Variants in STK32B observed in about 807,000 individuals in gnomAD.
STK32B encodes the protein serine/threonine-protein kinase 32B.
In STK32B, 43 loss-of-function variants were observed where a neutral mutation model predicts 52.6. That is an observed-to-expected ratio of 0.82 (90% CI 0.64 to 1.05). The LOEUF is 1.05. Ranked by LOEUF, STK32B falls within the 50% of genes least tolerant of loss-of-function variation. STK32B has a pLI of 0.00. For missense variants in STK32B, 621 were observed against 534.6 expected (o/e 1.16, Z -1.59); for synonymous variants, 238 against 204.3 (o/e 1.17, Z -1.41).
intron 4 of STK32B, among the ~76,000 whole-genome samples, chr4:5,340,090 G>T (rs4689212): frequency 0.33 from 50,704 of 152,172 alleles, 13,043 homozygotes; most frequent in African/African-American, 0.71. Flanking sequence ...TTAGAAGATT[G>T]ACTTTTCATA....
intron 2 of STK32B, among the ~76,000 whole-genome samples, chr4:5,157,185 G>C (rs1419802755): frequency 6.6e-6 from 1 of 151,946 alleles, no homozygotes; most frequent in South Asian, 2.1e-4. Flanking sequence ...CAAGGTACTG[G>C]GTCTCTAAGA....
At chr4:5,221,991 G>A (rs1208523436) in intron 3 of STK32B, among the ~76,000 whole-genome samples, 1 of 152,118 alleles carries the variant, frequency 6.6e-6, no homozygotes, top group Non-Finnish European at 1.5e-5. Context: ...TCACACAGTG[G>A]TCAGCTAGCT....
rs1002999202 is a variant in STK32B at position 5,171,568 on chromosome 4, C to G, written c.260+3118C>G. Reference sequence around the variant, plus strand: ...AGCACCATTTATTAAGTAGGGAATCCTTTCCCCATTGCTTGTTTTTCTCAG... The same window carrying G: ...AGCACCATTTATTAAGTAGGGAATCGTTTCCCCATTGCTTGTTTTTCTCAG... On this transcript the variant is annotated intron_variant, in intron 3 of 11. Coordinates refer to ENST00000282908, the MANE Select transcript of STK32B (RefSeq NM_018401.3). Among the ~76,000 whole-genome samples the G allele has an allele frequency of 2.6e-5, 4 of 152,098 alleles. 1 individual carries two copies. Among genetic ancestry groups the G allele is most frequent in the Admixed American group, 2.6e-4 (4 of 15,252 alleles).
intron 3 of STK32B, among the ~76,000 whole-genome samples, chr4:5,224,921 T>C (rs1442452289): frequency 2.0e-5 from 3 of 152,086 alleles, no homozygotes; most frequent in Non-Finnish European, 4.4e-5. Flanking sequence ...AATTCAGGAA[T>C]TGTTAGCTAA....
At chr4:5,028,590 T>C in the STK32B span, among the ~76,000 whole-genome samples, 1 of 152,240 alleles carries the variant, frequency 6.6e-6, no homozygotes, top group African/African-American at 2.4e-5. Context: ...AAGTTTTGCT[T>C]GGGCTTTGCT....
Position 5,285,206 on chromosome 4 carries a change from G to C in STK32B, c.261-46014G>C, listed in dbSNP as rs115416745. Among the ~76,000 whole-genome samples, 555 of 152,192 alleles carry C rather than the reference G, an allele frequency of 3.6e-3. 4 individuals are homozygous for C. The highest frequency in any genetic ancestry group is 0.012 in the African/African-American group (499 of 41,496). On this transcript the variant is annotated intron_variant, in intron 3 of 11. Transcript: ENST00000282908. ...TGCTCATGTTCTTGGTAAGGCTACC[G>C]GTCGACAGTAGGCTCTTAGTAAAGT...
At chr4:5,299,111 C>A (rs1258083290) in intron 3 of STK32B, among the ~76,000 whole-genome samples, 1 of 151,856 alleles carries the variant, frequency 6.6e-6, no homozygotes, top group East Asian at 2.0e-4. Flanking sequence ...TTCTGCTTGC[C>A]CTTCATGGGC....
Position 5,398,131 on chromosome 4 carries a change from C to T in STK32B, c.435-76C>T, listed in dbSNP as rs1239427771. On this transcript the variant is annotated intron_variant, in intron 4 of 11. Transcript: ENST00000282908. The surrounding 1 kb of genome is among the most constrained non-coding windows in gnomAD (Gnocchi z 4.9). ...CAGCCTGGGTGTTCCAGCATTTGTC[C>T]TGATGTGGTGCTTGTCTATGTGCTC... 9.6e-6 allele frequency: 15 copies of T among 1,557,192 alleles called. No homozygotes were observed. In the East Asian group the frequency reaches 3.1e-4, roughly 33 times the overall value.
chr4:5,185,443 G>A (rs1720672514), intron 3 of STK32B, among the ~76,000 whole-genome samples: 1 of 152,130 alleles, frequency 6.6e-6, no homozygotes, highest in Non-Finnish European at 1.5e-5. Context: ...TTAAATCAGA[G>A]GCTACATTTT....
intron 3 of STK32B, among the ~76,000 whole-genome samples, chr4:5,316,191 A>C (rs1264753333): frequency 3.2e-5 from 3 of 92,662 alleles, no homozygotes; most frequent in Non-Finnish European, 5.7e-5. Flanking sequence ...AAATATATAT[A>C]TTTAGATATA....
At chr4:5,138,146 G>A (rs930019946) in intron 1 of STK32B, among the ~76,000 whole-genome samples, 9 of 152,148 alleles carry the variant, frequency 5.9e-5, no homozygotes, top group African/African-American at 1.7e-4. Flanking sequence ...AAGTTATCCT[G>A]AAAGGAAATA....
intron 3 of STK32B, among the ~76,000 whole-genome samples, chr4:5,291,324 A>T (rs1333988532): frequency 6.6e-6 from 1 of 152,058 alleles, no homozygotes; most frequent in African/African-American, 2.4e-5. Flanking sequence ...TATCTTATTT[A>T]ATTTTTTCAA....
intron 1 of STK32B, among the ~76,000 whole-genome samples, chr4:5,090,554 G>T (rs542987695): frequency 8.6e-5 from 13 of 151,832 alleles, no homozygotes; most frequent in African/African-American, 3.1e-4. Flanking sequence ...TAGTAGAGAC[G>T]GGGTTTCACT....
chr4:5,155,487 T>A (rs748496311), intron 2 of STK32B, among the ~76,000 whole-genome samples: 6 of 152,114 alleles, frequency 3.9e-5, no homozygotes, highest in Non-Finnish European at 8.8e-5. Context: ...ATCATGCAGT[T>A]TATAGAGACA....
At chr4:5,095,651 T>C (rs751288274) in intron 1 of STK32B, among the ~76,000 whole-genome samples, 1 of 152,196 alleles carries the variant, frequency 6.6e-6, no homozygotes, top group Non-Finnish European at 1.5e-5. Context: ...GGTTCATTTA[T>C]TAAAATAATA....
At chr4:5,406,425 C>T (rs1737675250) in intron 5 of STK32B, among the ~76,000 whole-genome samples, 1 of 152,154 alleles carries the variant, frequency 6.6e-6, no homozygotes, top group African/African-American at 2.4e-5. Context: ...GGCAGTGCCC[C>T]AGTGGGGACT....
chr4:5,334,219 A>G (rs569576444), intron 4 of STK32B, among the ~76,000 whole-genome samples: 1 of 151,934 alleles, frequency 6.6e-6, no homozygotes, highest in South Asian at 2.1e-4. Context: ...ATTCCTAGGT[A>G]TTTTATTGTC....
At chr4:5,290,312 TAAC>T (rs1420294876) in intron 3 of STK32B, among the ~76,000 whole-genome samples, 21 of 152,242 alleles carry the variant, frequency 1.4e-4, no homozygotes, top group Middle Eastern at 3.4e-3. Flanking sequence ...TCTTTTGTAA[TAAC>T]ACAACGTAAA....
chr4:5,250,379 C>T (rs1261100352), intron 3 of STK32B, among the ~76,000 whole-genome samples: 3 of 135,898 alleles, frequency 2.2e-5, no homozygotes, highest in Non-Finnish European at 4.6e-5. Context: ...CTGATGTGAT[C>T]TTGGGTCACT....
Sources: allele counts gnomAD v4.1 joint callset (sites outside exome capture counted in the v4.1 genomes callset), GRCh38; gene constraint gnomAD v4.1.1; non-coding constraint Gnocchi (gnomAD v3.1); transcripts MANE v1.5; gene names NCBI Gene and HGNC (gene_info 2026-07-23, HGNC 2026-07-21).